Variants in MYO1B observed in about 807,000 individuals in gnomAD.
The protein encoded by MYO1B is myosin IB, also known as unconventional myosin-Ib.
Under a neutral mutation model 159.7 loss-of-function variants are expected in MYO1B, and 72 were observed. The observed-to-expected ratio is 0.45, with a 90% CI of 0.37 to 0.55. The LOEUF is 0.55. Among genes scored for constraint, MYO1B ranks in the 20% least tolerant of loss-of-function variants. MYO1B has a pLI of 0.00. For missense variants in MYO1B, 1,062 were observed against 1,364.8 expected, an observed-to-expected ratio of 0.78 and a Z score of 3.50; for synonymous variants, 468 against 473.8, an observed-to-expected ratio of 0.99 and a Z score of 0.16.
At chr2:191,252,249 G>A (rs868005997) in intron 1 of MYO1B, among the ~76,000 whole-genome samples, 2 of 152,158 alleles carry the variant, frequency 1.3e-5, no homozygotes, top group Non-Finnish European at 2.9e-5. Flanking sequence ...AAAAGTTCTC[G>A]CTTGCCTGAA....
At chr2:191,358,524 G>T (rs1693447656) in intron 7 of MYO1B, among the ~76,000 whole-genome samples, 3 of 152,182 alleles carry the variant, frequency 2.0e-5, no homozygotes, top group African/African-American at 4.8e-5. Context: ...TACAGTCATT[G>T]CCATTTCTAC....
At chr2:191,255,767 C>T (rs1283781239) in intron 1 of MYO1B, among the ~76,000 whole-genome samples, 2 of 152,066 alleles carry the variant, frequency 1.3e-5, no homozygotes, top group Non-Finnish European at 2.9e-5. Flanking sequence ...AATGGGGCCA[C>T]TGCCCACACC....
intron 3 of MYO1B, among the ~76,000 whole-genome samples, chr2:191,320,589 T>G (rs1301269049): frequency 6.6e-6 from 1 of 152,140 alleles, no homozygotes; most frequent in African/African-American, 2.4e-5. Context: ...TAATTGAATT[T>G]TGCAGCCACT....
At chr2:191,314,587 T>C (rs180925581) in intron 3 of MYO1B, among the ~76,000 whole-genome samples, 5 of 152,348 alleles carry the variant, frequency 3.3e-5, no homozygotes, top group African/African-American at 9.6e-5. Flanking sequence ...GCTTTGAAAC[T>C]TAAGCCAATG....
chr2:191,335,468 A>G (rs1691768398), intron 4 of MYO1B, among the ~76,000 whole-genome samples: 1 of 152,226 alleles, frequency 6.6e-6, no homozygotes, highest in Admixed American at 6.5e-5. Flanking sequence ...ATGGAAGATA[A>G]TATAGAAATT....
intron 20 of MYO1B, among the ~76,000 whole-genome samples, chr2:191,394,028 G>A (rs542288239): frequency 6.6e-6 from 1 of 152,198 alleles, no homozygotes; most frequent in South Asian, 2.1e-4. Flanking sequence ...CATAATTTAC[G>A]CTGACCTATT....
At chr2:191,319,350 C>G (rs1362987822) in intron 3 of MYO1B, among the ~76,000 whole-genome samples, 1 of 152,130 alleles carries the variant, frequency 6.6e-6, no homozygotes, top group Non-Finnish European at 1.5e-5. Context: ...ATACACAGTC[C>G]TCTCAGAGAA....
In MYO1B at chr2:191,414,655, G is replaced by A. The variant is rs763461462; in HGVS notation, c.3145G>A (p.Val1049Ile). The change falls in exon 29 of 31, where the codon GTC becomes ATC. Residue 1049 changes from valine (V) to isoleucine (I), a missense_variant. By Grantham distance (29) the Val-to-Ile change is conservative (BLOSUM62 3). Coordinates refer to ENST00000392318, the MANE Select transcript of MYO1B (RefSeq NM_001130158.3). Reference protein sequence around the residue: ...MSSQNDGFFAVHLKEGSEAAS... With the variant: ...MSSQNDGFFAIHLKEGSEAAS... ...CTCACAAAATGATGGCTTCTTCGCC[G>A]TCCACCTCAAAGAGGTAAAGGTTCA... 38 of 1,610,436 alleles carry A rather than the reference G, an allele frequency of 2.4e-5. No homozygotes were observed. In the East Asian group the frequency reaches 2.5e-4, roughly 10 times the overall value.
chr2:191,314,854 T>TG (rs1690242629), intron 3 of MYO1B, among the ~76,000 whole-genome samples: 2 of 152,202 alleles, frequency 1.3e-5, no homozygotes, highest in Non-Finnish European at 2.9e-5. Flanking sequence ...TTCAGGTTAT[T>TG]GCGTAATGCA....
chr2:191,253,066 A>AG (rs1376121095), intron 1 of MYO1B, among the ~76,000 whole-genome samples: 1 of 151,916 alleles, frequency 6.6e-6, no homozygotes, highest in Non-Finnish European at 1.5e-5. Context: ...AGTTGGAAAA[A>AG]AAAACAAAAA....
intron 1 of MYO1B, among the ~76,000 whole-genome samples, chr2:191,268,060 C>G (rs1413845892): frequency 6.6e-6 from 1 of 152,234 alleles, no homozygotes; most frequent in Non-Finnish European, 1.5e-5. Context: ...AACCTCCCTT[C>G]TCCAGGGGAA....
intron 1 of MYO1B, among the ~76,000 whole-genome samples, chr2:191,260,301 A>G (rs1686733527): frequency 8.9e-6 from 1 of 112,156 alleles, no homozygotes; most frequent in Non-Finnish European, 1.9e-5. Context: ...AGGTTATTCT[A>G]TTTGGTGCTG....
intron 3 of MYO1B, among the ~76,000 whole-genome samples, chr2:191,315,053 A>C (rs905954806): frequency 1.3e-5 from 2 of 152,192 alleles, no homozygotes; most frequent in Admixed American, 1.3e-4. Flanking sequence ...GTGAATGAAC[A>C]AAAATTATCT....
At chr2:191,353,340 T>C (rs1290010259) in intron 7 of MYO1B, among the ~76,000 whole-genome samples, 1 of 152,220 alleles carries the variant, frequency 6.6e-6, no homozygotes, top group Non-Finnish European at 1.5e-5. Flanking sequence ...TTTTGGAAAC[T>C]AGTTTTTAAA....
chr2:191,283,579 G>C (rs34100174), intron 2 of MYO1B, among the ~76,000 whole-genome samples: 57,702 of 152,030 alleles, frequency 0.38, 11,143 homozygotes, highest in Middle Eastern at 0.52. Flanking sequence ...TTTCACTAGA[G>C]TCCTATGTAC....
rs114314189 is a variant in MYO1B, at chr2:191,396,785, G to A, written c.2295+288G>A. On this transcript the variant is annotated intron_variant, in intron 21 of 30. Transcript: ENST00000392318. ...CAGTATCCCTTTGCCCCGTGTTTTC[G>A]AGAAAAGCTGTGGTACAGAAGGCTA... is the stretch of plus-strand genomic sequence containing the variant. 6.4e-3 allele frequency among the ~76,000 whole-genome samples: 980 copies of A among 152,234 alleles called. 8 individuals carry two copies. The highest frequency in any genetic ancestry group is 0.022 in the African/African-American group (930 of 41,528).
intron 6 of MYO1B, among the ~76,000 whole-genome samples, chr2:191,347,893 G>A (rs1048583084): frequency 2.0e-5 from 3 of 152,182 alleles, no homozygotes; most frequent in African/African-American, 4.8e-5. Flanking sequence ...TGTTGGTCTG[G>A]TTAACCTGGA....
chr2:191,246,623 C>T, intron 1 of MYO1B, among the ~76,000 whole-genome samples: 1 of 150,874 alleles, frequency 6.6e-6, no homozygotes, highest in East Asian at 2.0e-4. Flanking sequence ...ATGTGTGTGC[C>T]TCTGGGTCTG....
At chr2:191,395,385 A>C (rs981307434) in intron 20 of MYO1B, among the ~76,000 whole-genome samples, 1 of 152,086 alleles carries the variant, frequency 6.6e-6, no homozygotes, top group Non-Finnish European at 1.5e-5. Flanking sequence ...CCATCTATTG[A>C]TACCATCACC....
Sources: allele counts gnomAD v4.1 joint callset (sites outside exome capture counted in the v4.1 genomes callset), GRCh38; gene constraint gnomAD v4.1.1; transcripts MANE v1.5; gene names NCBI Gene and HGNC (gene_info 2026-07-23, HGNC 2026-07-21).